Variants in CCSER2 observed in about 807,000 individuals in gnomAD.
CCSER2 encodes the protein serine-rich coiled-coil domain-containing protein 2.
CCSER2 carries 46 observed loss-of-function variants against 92.3 expected under a neutral mutation model. The observed-to-expected ratio is 0.50, with a 90% CI of 0.39 to 0.64. The LOEUF (loss-of-function observed/expected upper bound fraction) is 0.64, where lower values mean the gene tolerates loss of function less well. CCSER2 is among the 30% of genes least tolerant of loss of function. The pLI, the probability that CCSER2 is intolerant of heterozygous loss-of-function variation, is 0.00. For synonymous variants in CCSER2, 433 were observed against 431.4 expected (o/e 1.00, Z -0.04); for missense variants, 1,244 against 1,238.9 (o/e 1.00, Z -0.06).
chr10:84,497,149 AT>A (rs1342394194), intron 9 of CCSER2, among the ~76,000 whole-genome samples: 1 of 152,262 alleles, frequency 6.6e-6, no homozygotes, highest in Non-Finnish European at 1.5e-5. Flanking sequence ...AGGAAGAAAG[AT>A]TCCACCAATT....
intron 3 of CCSER2, chr10:84,374,031 A>G: frequency 3.8e-6 from 4 of 1,055,852 alleles, no homozygotes; most frequent in Non-Finnish European, 5.3e-6. Flanking sequence ...CAACATGTTT[A>G]CATATATATT....
chr10:84,513,085 T>A (rs963892350), intron 9 of CCSER2, among the ~76,000 whole-genome samples: 27 of 152,322 alleles, frequency 1.8e-4, no homozygotes, highest in Middle Eastern at 3.4e-3. Context: ...CCTGAATGTT[T>A]TGTGGAGGTT....
intron 8 of CCSER2, among the ~76,000 whole-genome samples, chr10:84,471,398 T>A (rs548048273): frequency 4.6e-5 from 7 of 152,248 alleles, no homozygotes; most frequent in South Asian, 2.1e-4. Flanking sequence ...CCCAATCAAC[T>A]TTCAGGGAGA....
chr10:84,443,913 G>T (rs1844742425), intron 6 of CCSER2, among the ~76,000 whole-genome samples: 6 of 151,978 alleles, frequency 3.9e-5, no homozygotes, highest in Admixed American at 3.9e-4. Context: ...AACACTGCAT[G>T]TTCTTACTCA....
At chr10:84,492,226 G>A (rs1344129707) in intron 9 of CCSER2, among the ~76,000 whole-genome samples, 2 of 151,310 alleles carry the variant, frequency 1.3e-5, no homozygotes, top group East Asian at 1.9e-4. Context: ...ATTGCAGTGA[G>A]CAGAGATAGC....
chr10:84,514,102 A>C lies in CCSER2; in HGVS notation c.2979A>C (p.Thr993=), dbSNP rs1342873239. The C allele has an allele frequency of 2.0e-6, 3 of 1,536,224 alleles. No individual in the cohort carries two copies. Among genetic ancestry groups the C allele is most frequent in the Non-Finnish European group, 2.6e-6 (3 of 1,146,946 alleles). Residue 993 remains threonine (T), a synonymous_variant, in exon 10 of 10, where the codon ACA becomes ACC. Coordinates refer to ENST00000372088, the MANE Select transcript of CCSER2 (RefSeq NM_001284240.2). ...PPSGSFKQKQ[T]NSPQLEPQSF... ...CAGGCTCTTTCAAACAAAAACAAAC[A>C]AACAGCCCCCAACTAGAGCCTCAAA...
At chr10:84,401,111 G>A (rs949080881) in intron 3 of CCSER2, among the ~76,000 whole-genome samples, 1 of 152,140 alleles carries the variant, frequency 6.6e-6, no homozygotes, top group African/African-American at 2.4e-5. Context: ...TAGAAAAGAA[G>A]AAGGGTCTCA....
intron 8 of CCSER2, among the ~76,000 whole-genome samples, chr10:84,470,987 ATATG>A (rs1489178248): frequency 6.6e-6 from 1 of 152,100 alleles, no homozygotes; most frequent in Non-Finnish European, 1.5e-5. Context: ...TATGAAAACA[ATATG>A]TATGGTGTCT....
At chr10:84,359,557 A>G (rs1159693754) in intron 1 of CCSER2, among the ~76,000 whole-genome samples, 2 of 152,076 alleles carry the variant, frequency 1.3e-5, no homozygotes, top group African/African-American at 4.8e-5. Flanking sequence ...TATTGATGCT[A>G]CTGCTGATCA....
intron 5 of CCSER2, among the ~76,000 whole-genome samples, chr10:84,430,272 C>G (rs748300682): frequency 6.6e-6 from 1 of 152,100 alleles, no homozygotes; most frequent in Non-Finnish European, 1.5e-5. Flanking sequence ...AGGGGATTCT[C>G]TGGTATTTCC....
At chr10:84,430,715 A>G (rs1252216129) in intron 5 of CCSER2, among the ~76,000 whole-genome samples, 2 of 152,206 alleles carry the variant, frequency 1.3e-5, no homozygotes, top group East Asian at 3.8e-4. Flanking sequence ...GGGTGTGGCT[A>G]TTGGATAAAT....
At chr10:84,459,548 G>A (rs1006681479) in intron 6 of CCSER2, among the ~76,000 whole-genome samples, 2 of 151,994 alleles carry the variant, frequency 1.3e-5, no homozygotes, top group Admixed American at 6.6e-5. Context: ...TCAGAGACAG[G>A]ATCTCCTTCT....
intron 9 of CCSER2, among the ~76,000 whole-genome samples, chr10:84,478,381 G>T (rs1240162721): frequency 6.6e-6 from 1 of 152,146 alleles, no homozygotes; most frequent in African/African-American, 2.4e-5. Context: ...TTCTTGTTAA[G>T]AGATTGCCTA....
intron 5 of CCSER2, among the ~76,000 whole-genome samples, chr10:84,427,294 T>C (rs1349472732): frequency 1.3e-5 from 2 of 152,180 alleles, no homozygotes; most frequent in Non-Finnish European, 2.9e-5. Flanking sequence ...TCTCAATCTT[T>C]GGGGTGTTGG....
chr10:84,439,342 A>G (rs1844385202), intron 6 of CCSER2, among the ~76,000 whole-genome samples: 1 of 152,196 alleles, frequency 6.6e-6, no homozygotes, highest in South Asian at 2.1e-4. Flanking sequence ...GATGTATAGC[A>G]GAAAATCAAG....
chr10:84,495,251 A>G (rs1267175919), intron 9 of CCSER2, among the ~76,000 whole-genome samples: 1 of 150,904 alleles, frequency 6.6e-6, no homozygotes, highest in Non-Finnish European at 1.5e-5. Context: ...GTTAGTATCC[A>G]AGTGTTTGGA....
intron 1 of CCSER2, among the ~76,000 whole-genome samples, chr10:84,350,772 A>G (rs1240719676): frequency 6.6e-6 from 1 of 152,198 alleles, no homozygotes; most frequent in Non-Finnish European, 1.5e-5. Flanking sequence ...AACTTAAACT[A>G]TTTTGACCCT....
chr10:84,449,287 A>T (rs1038342782), intron 6 of CCSER2, among the ~76,000 whole-genome samples: 1 of 152,132 alleles, frequency 6.6e-6, no homozygotes, highest in Admixed American at 6.5e-5. Flanking sequence ...AGGCGGGAGG[A>T]TCACTTGAAC....
At chr10:84,415,280 G>A (rs187857424) in intron 3 of CCSER2, among the ~76,000 whole-genome samples, 17 of 152,272 alleles carry the variant, frequency 1.1e-4, no homozygotes, top group African/African-American at 2.4e-4. Context: ...ATATTTATGG[G>A]CTTATCTACC....
Sources: allele counts gnomAD v4.1 joint callset (sites outside exome capture counted in the v4.1 genomes callset), GRCh38; gene constraint gnomAD v4.1.1; transcripts MANE v1.5; gene names NCBI Gene and HGNC (gene_info 2026-07-23, HGNC 2026-07-21).